FREM1: variants seen among roughly 807,000 people sequenced by gnomAD.
The protein encoded by FREM1 is FRAS1 related extracellular matrix 1.
A neutral mutation model predicts 210.1 loss-of-function variants in FREM1; 220 were observed. The ratio of observed to expected loss-of-function variants is 1.05; its 90% CI spans 0.94 to 1.17. FREM1 has a LOEUF of 1.17. FREM1 is among the 50% of genes most tolerant of loss of function. The pLI is 0.00. For synonymous variants in FREM1, 1,189 were observed against 980.2 expected (o/e 1.21, Z -3.98); for missense variants, 3,454 against 2,675.5 (o/e 1.29, Z -6.42).
chr9:14,870,237 C>T (rs568781830), intron 1 of FREM1, among the ~76,000 whole-genome samples: 2 of 152,346 alleles, frequency 1.3e-5, no homozygotes, highest in East Asian at 3.9e-4. Context: ...CCATTATCCA[C>T]ATCTAATCTA....
Position 14,746,419 on chromosome 9 carries a change from T to A in FREM1, c.6188A>T (p.Tyr2063Phe). 1.9e-6 allele frequency: 3 copies of A among 1,613,934 alleles called. No homozygotes were observed. The South Asian group carries it at 3.3e-5, about 18-fold the overall frequency. ...CTGCTCTGTGATCAAGATGTGACAGTAGCCTGAGTGCTGGTGCCACCCGGC... is the reference window on the plus strand; with the variant it reads ...CTGCTCTGTGATCAAGATGTGACAGAAGCCTGAGTGCTGGTGCCACCCGGC... Reference protein sequence around the residue: ...CPAGWHQHSGYCHILITEQKG... With the variant: ...CPAGWHQHSGFCHILITEQKG... Residue 2063 changes from tyrosine to phenylalanine, a missense_variant, in exon 35 of 37, where the codon TAC becomes TTC. Physicochemically the swap from Tyr to Phe is conservative, Grantham distance 22. Transcript: ENST00000380880.
At chr9:14,880,042 T>C (rs914587643) in intron 1 of FREM1, among the ~76,000 whole-genome samples, 5 of 152,108 alleles carry the variant, frequency 3.3e-5, no homozygotes, top group African/African-American at 7.2e-5. Context: ...CATAAGGTCA[T>C]GAGGGTAGAG....
At chr9:14,750,753 A>G (rs1843210972) in intron 29 of FREM1, among the ~76,000 whole-genome samples, 2 of 152,334 alleles carry the variant, frequency 1.3e-5, no homozygotes, top group South Asian at 4.1e-4. Context: ...AGCTGCCTGC[A>G]TCGGCTTCCC....
intron 1 of FREM1, among the ~76,000 whole-genome samples, chr9:14,905,449 C>A (rs993059443): frequency 6.6e-6 from 1 of 152,154 alleles, no homozygotes; most frequent in Non-Finnish European, 1.5e-5. Flanking sequence ...TGATGCATCT[C>A]CTTATGCATT....
intron 6 of FREM1, 137 bp downstream of exon 6, chr9:14,851,147 T>C (rs934477653): frequency 7.5e-6 from 5 of 670,606 alleles, no homozygotes; most frequent in African/African-American, 3.6e-5. Flanking sequence ...GGGCAGTGAG[T>C]GTGCATCCTG....
intron 1 of FREM1, among the ~76,000 whole-genome samples, chr9:14,908,102 T>C (rs1818099791): frequency 6.6e-6 from 1 of 152,174 alleles, no homozygotes; most frequent in African/African-American, 2.4e-5. Flanking sequence ...CTGATGGCCA[T>C]GTCCAGTTTT....
chr9:14,776,274 C>T (rs878928360), intron 24 of FREM1, 71 bp from the exon 25 acceptor site: 1 of 1,445,806 alleles, frequency 6.9e-7, no homozygotes, highest in African/African-American at 1.4e-5. Context: ...GAAATGATAA[C>T]AATACACACC....
chr9:14,763,790 A>G (rs918147700), intron 27 of FREM1, among the ~76,000 whole-genome samples: 1 of 152,216 alleles, frequency 6.6e-6, no homozygotes, highest in African/African-American at 2.4e-5. Context: ...CAAGCATGCT[A>G]TCACATTGAT....
chr9:14,760,803 G>A (rs923805570), intron 27 of FREM1, among the ~76,000 whole-genome samples: 9 of 152,154 alleles, frequency 5.9e-5, no homozygotes, highest in Non-Finnish European at 1.0e-4. Flanking sequence ...AGCTCAAGCA[G>A]AGCAATACGG....
At chr9:14,808,200 C>A in intron 16 of FREM1, 66 bp from the exon 17 acceptor site, 1 of 1,003,062 alleles carries the variant, frequency 1.0e-6, no homozygotes, top group South Asian at 2.1e-5. Context: ...ATGAAATCTA[C>A]TCACACCTCT....
chr9:14,841,050 A>G lies in FREM1; in HGVS notation c.1881+397T>C, dbSNP rs148104948. 4.9e-4 allele frequency among the ~76,000 whole-genome samples: 75 copies of G among 152,350 alleles called. 1 individual carries two copies. Among genetic ancestry groups the G allele is most frequent in the Admixed American group, 2.2e-3 (33 of 15,304 alleles). On this transcript the variant is annotated intron_variant, in intron 10 of 36. Coordinates refer to ENST00000380880, the MANE Select transcript of FREM1 (RefSeq NM_001379081.2). ...TTCTATTATTATCTGTTTTACAGAC[A>G]AGGAAACTGGAGCATGGGTTGACCA...
chr9:14,747,238 G>T (rs1026367640), intron 33 of FREM1, 26 bp downstream of exon 33: 3 of 1,605,444 alleles, frequency 1.9e-6, no homozygotes, highest in Admixed American at 3.4e-5. Context: ...TATAAGGTGA[G>T]TAAGAAGGAA....
intron 19 of FREM1, among the ~76,000 whole-genome samples, chr9:14,802,904 T>C (rs1298116265): frequency 6.6e-6 from 1 of 152,208 alleles, no homozygotes; most frequent in African/African-American, 2.4e-5. Flanking sequence ...GAGATCAGGA[T>C]GTTTTCATGA....
intron 5 of FREM1, among the ~76,000 whole-genome samples, chr9:14,856,067 C>T (rs932878657): frequency 1.3e-5 from 2 of 151,962 alleles, no homozygotes; most frequent in African/African-American, 4.8e-5. Context: ...GCAAACCTGG[C>T]TAATGAGTTT....
intron 16 of FREM1, among the ~76,000 whole-genome samples, chr9:14,809,824 G>A (rs1053442199): frequency 6.6e-6 from 1 of 152,140 alleles, no homozygotes; most frequent in Admixed American, 6.6e-5. Context: ...TATGCGTCAG[G>A]CACCGATACT....
At chr9:14,833,065 T>C (rs1213066649) in intron 10 of FREM1, among the ~76,000 whole-genome samples, 1 of 152,182 alleles carries the variant, frequency 6.6e-6, no homozygotes, top group East Asian at 1.9e-4. Flanking sequence ...TGTTTTAGTC[T>C]CTGCCATTTT....
intron 24 of FREM1, among the ~76,000 whole-genome samples, chr9:14,778,988 C>T (rs1014828933): frequency 2.6e-5 from 4 of 152,174 alleles, no homozygotes; most frequent in Non-Finnish European, 4.4e-5. Context: ...AACTGATATA[C>T]ATTTTTAGGT....
chr9:14,832,853 G>A (rs753531540), intron 10 of FREM1, among the ~76,000 whole-genome samples: 1 of 152,158 alleles, frequency 6.6e-6, no homozygotes, highest in African/African-American at 2.4e-5. Context: ...GTCTTAAGCT[G>A]TAAACAATCT....
chr9:14,812,959 C>G lies in FREM1; in HGVS notation c.2746G>C (p.Ala916Pro). The G allele has an allele frequency of 6.2e-7, 1 of 1,613,918 alleles. No homozygotes were observed. The highest frequency in any genetic ancestry group is 1.3e-5 in the African/African-American group (1 of 75,020). Residue 916 changes from alanine to proline, a missense_variant, in exon 16 of 37, where the codon GCT becomes CCT. Physicochemically the swap from Ala to Pro is conservative, Grantham distance 27. Transcript: ENST00000380880. ...EVVITSEYIF[A>P]TDVDSDNLKL... ...AAGTTATCGCTGTCCACATCAGTAG[C>G]AAAAATGTATTCAGAGGTGATGACC...
Sources: allele counts gnomAD v4.1 joint callset (sites outside exome capture counted in the v4.1 genomes callset), GRCh38; gene constraint gnomAD v4.1.1; transcripts MANE v1.5; gene names NCBI Gene and HGNC (gene_info 2026-07-23, HGNC 2026-07-21).